Variants in SPRTN observed in about 807,000 individuals in gnomAD.
The protein encoded by SPRTN is SprT-like N-terminal domain.
A neutral mutation model predicts 31.9 loss-of-function variants in SPRTN; 11 were observed. The observed-to-expected ratio is 0.34, with a 90% CI of 0.22 to 0.57. The LOEUF (loss-of-function observed/expected upper bound fraction) is 0.57, where lower values mean the gene tolerates loss of function less well. Ranked by LOEUF, SPRTN falls within the 20% of genes least tolerant of loss-of-function variation. The probability of loss-of-function intolerance (pLI) is 0.86; values close to 1 mark genes in which losing one functional copy is unlikely to be tolerated. For synonymous variants in SPRTN, 185 were observed against 212.1 expected (o/e 0.87, Z 1.11); for missense variants, 482 against 590.1 (o/e 0.82, Z 1.90).
intron 1 of SPRTN, 25 bp downstream of exon 1, chr1:231,338,629 A>C: frequency 6.2e-7 from 1 of 1,612,742 alleles, no homozygotes; most frequent in Non-Finnish European, 8.5e-7. Context: ...CCGCTGGGGA[A>C]AGAGGCGGGA....
Position 231,353,128 on chromosome 1 carries a change from G to A in SPRTN, c.1237G>A (p.Asp413Asn), listed in dbSNP as rs751566585. The change falls in exon 5 of 5, where the codon GAT becomes AAT. Residue 413 changes from aspartate (D) to asparagine (N), a missense_variant. Asp to Asn is a conservative substitution (Grantham distance 23, BLOSUM62 1). Around this residue, in one of 2 missense-constraint regions of SPRTN, gnomAD observed 325 missense variants for 350.2 expected, o/e 0.93. Coordinates refer to ENST00000295050, the MANE Select transcript of SPRTN (RefSeq NM_032018.7). ...TFPNKRPRLE[D>N]KTVFDNFFIK... ...CCCAAATAAACGACCTAGGCTAGAA[G>A]ATAAGACTGTTTTTGACAATTTTTT... 219 of 1,612,556 alleles carry A rather than the reference G, an allele frequency of 1.4e-4. No homozygotes were observed. Among genetic ancestry groups the A allele is most frequent in the Non-Finnish European group, 1.8e-4 (212 of 1,179,566 alleles).
intron 3 of SPRTN, among the ~76,000 whole-genome samples, chr1:231,349,481 A>G (rs1571999039): frequency 6.6e-6 from 1 of 152,330 alleles, no homozygotes; most frequent in East Asian, 1.9e-4. Flanking sequence ...ACTTTAAGCA[A>G]AGCCCTTGTA....
In SPRTN at chr1:231,351,435, T is replaced by G. The variant is rs749040664; in HGVS notation, c.582T>G (p.His194Gln). 8 of 1,614,152 alleles carry G rather than the reference T, an allele frequency of 5.0e-6. No homozygotes were observed. Among genetic ancestry groups the G allele is most frequent in the Non-Finnish European group, 6.8e-6 (8 of 1,180,032 alleles). The stretch of plus-strand genomic sequence containing the variant: ...CTACTAACAGGGAACCCTCTGCTCA[T>G]GACTATTGGTGGGCTGAGCACCAGA... ...KRATNREPSA[H>Q]DYWWAEHQKT... The change falls in exon 4 of 5, where the codon CAT (histidine) becomes CAG (glutamine). Residue 194 changes from histidine (H) to glutamine (Q), a missense_variant. Physicochemically the swap from His to Gln is conservative, Grantham distance 24. This residue lies in a region of SPRTN where 325 missense variants were observed against 350.2 expected (regional missense o/e 0.93). Coordinates refer to ENST00000295050, the MANE Select transcript of SPRTN (RefSeq NM_032018.7).
chr1:231,351,399 T>C lies in SPRTN; in HGVS notation c.546T>C (p.Tyr182=). 1.2e-6 allele frequency: 2 copies of C among 1,614,110 alleles called. No individual in the cohort carries two copies. The highest frequency in any genetic ancestry group is 2.2e-5 in the East Asian group (1 of 44,880). ...PCQHRPPYYG[Y]VKRATNREPS... ...AGCACAGGCCACCGTATTACGGCTA[T>C]GTCAAACGAGCTACTAACAGGGAAC... Residue 182 remains tyrosine (Y), a synonymous_variant, in exon 4 of 5, where the codon TAT becomes TAC. Transcript: ENST00000295050.
At chr1:231,346,023 C>T (rs549835800) in intron 2 of SPRTN, among the ~76,000 whole-genome samples, 1 of 151,934 alleles carries the variant, frequency 6.6e-6, no homozygotes, top group African/African-American at 2.4e-5. Context: ...CTATGTTGAC[C>T]AGGCTGGTTT....
intron 4 of SPRTN, 160 bp from the exon 5 acceptor site, chr1:231,352,450 G>A: frequency 7.6e-7 from 1 of 1,322,630 alleles, no homozygotes; most frequent in Middle Eastern, 2.8e-4. Context: ...CCTGAATTCT[G>A]AAGATTGCCC....
chr1:231,339,942 T>G, intron 2 of SPRTN, 74 bp downstream of exon 2: 2 of 1,407,984 alleles, frequency 1.4e-6, no homozygotes, highest in Non-Finnish European at 2.0e-6. Context: ...CTGCTGTGAA[T>G]TCGCCTGTAT....
At chr1:231,340,888 A>T (rs1686865445) in intron 2 of SPRTN, among the ~76,000 whole-genome samples, 1 of 152,150 alleles carries the variant, frequency 6.6e-6, no homozygotes, top group Admixed American at 6.5e-5. Flanking sequence ...ATGCTTGGAG[A>T]TGAGAGATGC....
At chr1:231,351,228 A>T in intron 3 of SPRTN, 76 bp from the exon 4 acceptor site, 1 of 1,226,880 alleles carries the variant, frequency 8.2e-7, no homozygotes, top group African/African-American at 1.6e-5. Context: ...AAAAAAAAAA[A>T]AGACTGCTTA....
rs970604585 is a variant in SPRTN, at chr1:231,354,292, G to A, written c.*931G>A. The A allele has an allele frequency of 1.3e-5, 13 of 978,650 alleles. 1 individual carries two copies. The African/African-American group carries it at 2.3e-4, about 17-fold the overall frequency. 60.6% of individuals were successfully genotyped at this position (978,650 alleles called of 1,614,324 possible). Reference sequence around the variant, plus strand: ...AAATATTTTCCATGTTATAGGGAAAGGACAAAGAGACTTTTATCAGTTTGC... The same window carrying A: ...AAATATTTTCCATGTTATAGGGAAAAGACAAAGAGACTTTTATCAGTTTGC... On this transcript the variant is annotated 3_prime_UTR_variant, in exon 5 of 5. Transcript: ENST00000295050.
chr1:231,342,817 C>G (rs999999895), intron 2 of SPRTN, among the ~76,000 whole-genome samples: 1 of 152,018 alleles, frequency 6.6e-6, no homozygotes, highest in Admixed American at 6.6e-5. Context: ...TCACTGCAAG[C>G]TCCGCCTCCC....
rs1454135152 is a variant in SPRTN at position 231,353,672 on chromosome 1, T to C, written c.*311T>C. On this transcript the variant is annotated 3_prime_UTR_variant, in exon 5 of 5. Transcript: ENST00000295050. ...AAAAACCTGTTAATCTTTTTATTTG[T>C]ATACTTTCCTAAAAATATTCATATG... 9.9e-7 allele frequency: 1 copy of C among 1,013,084 alleles called. No homozygotes were observed. The highest frequency in any genetic ancestry group is 8.9e-5 in the East Asian group (1 of 11,270). The allele number at this position is 1,013,084 out of a possible 1,614,324, so 62.8% of individuals were successfully genotyped here. A position where few individuals can be genotyped will look rare whatever the true frequency, so the allele number is the denominator to read the frequency against.
chr1:231,344,716 T>C, intron 2 of SPRTN: 1 of 331,092 alleles, frequency 3.0e-6, no homozygotes, highest in Non-Finnish European at 6.6e-6. Context: ...ATGAAAAAGG[T>C]ATGTCTTTGA....
At position 231,354,893 on chromosome 1, in the gene SPRTN, A is replaced by T; in HGVS notation, c.*1532A>T. The stretch of plus-strand genomic sequence containing the variant: ...CAGTTTACACTCCTACCAGCAATGT[A>T]TGAGAGTTTTAGTTGTTCACCATTC... On this transcript the variant is annotated 3_prime_UTR_variant, in exon 5 of 5. Coordinates refer to ENST00000295050, the MANE Select transcript of SPRTN (RefSeq NM_032018.7). 1 of 498,892 alleles carries T rather than the reference A, an allele frequency of 2.0e-6. No individual in the cohort carries two copies. The highest frequency in any genetic ancestry group is 2.6e-6 in the Non-Finnish European group (1 of 385,880). The allele number at this position is 498,892 out of a possible 1,614,324, so 30.9% of individuals were successfully genotyped here. A position where few individuals can be genotyped will look rare whatever the true frequency, so the allele number is the denominator to read the frequency against.
chr1:231,342,223 A>G (rs946165710), intron 2 of SPRTN, among the ~76,000 whole-genome samples: 1 of 152,218 alleles, frequency 6.6e-6, no homozygotes, highest in Non-Finnish European at 1.5e-5. Context: ...CTTAATGAAT[A>G]TGTATTGGGT....
chr1:231,347,994 A>G (rs1687112788), intron 3 of SPRTN, 69 bp downstream of exon 3: 8 of 1,556,390 alleles, frequency 5.1e-6, no homozygotes, highest in Non-Finnish European at 6.1e-6. Flanking sequence ...GATTTAATTA[A>G]AAGTAGAGAA....
intron 4 of SPRTN, 181 bp from the exon 5 acceptor site, chr1:231,352,429 A>G (rs992370772): frequency 1.5e-5 from 20 of 1,291,134 alleles, no homozygotes; most frequent in Non-Finnish European, 2.0e-5. Flanking sequence ...TATTCTCTCA[A>G]TATCAGAACT....
At chr1:231,338,722 A>G (rs1571987313) in intron 1 of SPRTN, 118 bp downstream of exon 1, 1 of 1,237,290 alleles carries the variant, frequency 8.1e-7, no homozygotes, top group East Asian at 2.4e-5. Context: ...AAATGAGGGG[A>G]GTCTGGTTTT....
chr1:231,349,442 A>G (rs1402185711), intron 3 of SPRTN, among the ~76,000 whole-genome samples: 1 of 152,252 alleles, frequency 6.6e-6, no homozygotes, highest in Non-Finnish European at 1.5e-5. Context: ...CTTGTATAAA[A>G]TACATTAAGT....
Sources: allele counts gnomAD v4.1 joint callset (sites outside exome capture counted in the v4.1 genomes callset), GRCh38; gene constraint gnomAD v4.1.1; regional missense constraint gnomAD v4.1.1; transcripts MANE v1.5; gene names NCBI Gene and HGNC (gene_info 2026-07-23, HGNC 2026-07-21).